PTPRN2: variants seen among roughly 807,000 people sequenced by gnomAD.
PTPRN2 encodes the protein receptor-type tyrosine-protein phosphatase N2.
Under a neutral mutation model 118.8 loss-of-function variants are expected in PTPRN2, and 74 were observed. That is an observed-to-expected ratio of 0.62 (90% CI 0.52 to 0.76). The LOEUF is 0.76. Among genes scored for constraint, PTPRN2 ranks in the 30% least tolerant of loss-of-function variants. PTPRN2 has a pLI of 0.00. For synonymous variants in PTPRN2, 641 were observed against 608.0 expected, an observed-to-expected ratio of 1.05 and a Z score of -0.80; for missense variants, 1,481 against 1,394.4, an observed-to-expected ratio of 1.06 and a Z score of -0.99.
chr7:157,741,025 A>G (rs1800605041), intron 12 of PTPRN2, among the ~76,000 whole-genome samples: 1 of 152,196 alleles, frequency 6.6e-6, no homozygotes, highest in South Asian at 2.1e-4. Context: ...TCCATTTCAG[A>G]TGCTACTGAA....
At chr7:158,449,434 G>A (rs1817945542) in intron 2 of PTPRN2, among the ~76,000 whole-genome samples, 1 of 152,222 alleles carries the variant, frequency 6.6e-6, no homozygotes, top group Non-Finnish European at 1.5e-5. Flanking sequence ...ACCAAGAGAG[G>A]ACGATGCACA....
At chr7:157,805,946 G>A (rs10246948) in intron 12 of PTPRN2, among the ~76,000 whole-genome samples, 30,170 of 152,118 alleles carry the variant, frequency 0.2, 5,297 homozygotes, top group African/African-American at 0.47. Context: ...GTGGCTGTGT[G>A]TGCACCGGCT....
chr7:158,542,400 A>C (rs765617893), intron 1 of PTPRN2, among the ~76,000 whole-genome samples: 1 of 152,206 alleles, frequency 6.6e-6, no homozygotes, highest in Non-Finnish European at 1.5e-5. Flanking sequence ...CAATCCGCCC[A>C]CCTCGGCCTC....
chr7:158,071,559 G>A (rs1218314626), intron 11 of PTPRN2, among the ~76,000 whole-genome samples: 2 of 24,610 alleles, frequency 8.1e-5, no homozygotes, highest in African/African-American at 2.0e-4. Context: ...CCTGGTGGTG[G>A]AGGTGCTCCT....
chr7:158,326,532 T>C (rs753207726), intron 2 of PTPRN2, among the ~76,000 whole-genome samples: 4 of 152,204 alleles, frequency 2.6e-5, no homozygotes, highest in African/African-American at 4.8e-5. Flanking sequence ...CACATGCACA[T>C]ATGCAGACAC....
At chr7:158,171,304 CACACATATATATATATATATATAT>C (rs1823643212) in intron 5 of PTPRN2, among the ~76,000 whole-genome samples, 3 of 28,088 alleles carry the variant, frequency 1.1e-4, no homozygotes, top group African/African-American at 1.4e-4. Flanking sequence ...CATATATATA[CACACATATATATATATATATATAT>C]ATATATATAT....
intron 3 of PTPRN2, among the ~76,000 whole-genome samples, chr7:158,254,802 C>T (rs956757160): frequency 4.6e-5 from 7 of 152,364 alleles, no homozygotes; most frequent in South Asian, 4.1e-4. Context: ...CAGGAAACTA[C>T]GACAGTCATC....
At chr7:158,516,682 G>A (rs927787801) in intron 1 of PTPRN2, among the ~76,000 whole-genome samples, 1 of 151,966 alleles carries the variant, frequency 6.6e-6, no homozygotes, top group African/African-American at 2.4e-5. Context: ...TGGTGCTCCT[G>A]CCTATTGTTC....
chr7:157,848,837 C>A (rs1809067127), intron 12 of PTPRN2, among the ~76,000 whole-genome samples: 1 of 152,232 alleles, frequency 6.6e-6, no homozygotes, highest in Admixed American at 6.5e-5. Flanking sequence ...CAGCCAGCAG[C>A]CCCGACGCCT....
intron 2 of PTPRN2, among the ~76,000 whole-genome samples, chr7:158,445,152 A>G (rs1471031543): frequency 1.3e-5 from 2 of 152,150 alleles, no homozygotes; most frequent in African/African-American, 4.8e-5. Flanking sequence ...CTTTGTCTCC[A>G]GAGGGGGCAG....
intron 11 of PTPRN2, among the ~76,000 whole-genome samples, chr7:157,930,275 C>T (rs1455978152): frequency 6.6e-6 from 1 of 152,126 alleles, no homozygotes; most frequent in Non-Finnish European, 1.5e-5. Context: ...TAGCATACAG[C>T]GTGTTAAGTG....
chr7:157,814,006 G>A (rs1806226117), intron 12 of PTPRN2, among the ~76,000 whole-genome samples: 1 of 152,212 alleles, frequency 6.6e-6, no homozygotes, highest in Non-Finnish European at 1.5e-5. Flanking sequence ...GGATTGTTCT[G>A]CCCCAATGGC....
chr7:157,740,863 C>T (rs768566082), intron 12 of PTPRN2, among the ~76,000 whole-genome samples: 25 of 152,160 alleles, frequency 1.6e-4, no homozygotes, highest in African/African-American at 5.3e-4. Context: ...TAATTAGAGC[C>T]GCTCTCTCTC....
At position 157,992,337 on chromosome 7, in the gene PTPRN2, G is replaced by A. The variant is rs375400840; in HGVS notation, c.1723+88961C>T. Among the ~76,000 whole-genome samples the A allele has an allele frequency of 1.3e-4, 20 of 152,310 alleles. 1 individual carries two copies. The South Asian group carries it at 4.1e-3, about 32-fold the overall frequency. On this transcript the variant is annotated intron_variant, in intron 11 of 22. Transcript: ENST00000389418. ...GGCTGCTCATGGCCCCGAGTCTCTC[G>A]CTCTCCAGGATGAGTTGGGAGTGGA...
chr7:158,083,229 T>G (rs553805680), intron 10 of PTPRN2, among the ~76,000 whole-genome samples: 4 of 152,184 alleles, frequency 2.6e-5, no homozygotes, highest in Non-Finnish European at 5.9e-5. Flanking sequence ...TGATGATTTC[T>G]GCCACGGCCT....
At chr7:158,340,182 G>A (rs1437280581) in intron 2 of PTPRN2, among the ~76,000 whole-genome samples, 1 of 85,672 alleles carries the variant, frequency 1.2e-5, no homozygotes, top group African/African-American at 4.1e-5. Flanking sequence ...ACTCGCAGAC[G>A]TCACTCACAC....
rs527295779 is a variant in PTPRN2 at position 158,120,495 on chromosome 7, C to T, written c.1557-9580G>A. On this transcript the variant is annotated intron_variant, in intron 9 of 22. Transcript: ENST00000389418. ...TCAGCAGAACACTCCTTGTGGCTCA[C>T]GGAGAAAGCTGAGCCAAGTTCCTGC... Among the ~76,000 whole-genome samples, 116 of 152,312 alleles carry T rather than the reference C, an allele frequency of 7.6e-4. 1 individual carries two copies. In the South Asian group the frequency reaches 0.013, roughly 17 times the overall value.
At chr7:158,181,350 T>C (rs1424718608) in intron 5 of PTPRN2, among the ~76,000 whole-genome samples, 1 of 152,206 alleles carries the variant, frequency 6.6e-6, no homozygotes, top group Non-Finnish European at 1.5e-5. Flanking sequence ...TAGTATTTCG[T>C]AGAGGGTTTT....
At chr7:158,209,786 T>C (rs1407883933) in intron 3 of PTPRN2, among the ~76,000 whole-genome samples, 2 of 152,192 alleles carry the variant, frequency 1.3e-5, no homozygotes, top group Non-Finnish European at 2.9e-5. Flanking sequence ...GAATAGCCCA[T>C]ACATTATGGC....
Sources: gnomAD v4.1 joint callset for allele counts (sites outside exome capture counted in the v4.1 genomes callset) on GRCh38, gnomAD v4.1.1 for gene constraint, MANE v1.5 for transcripts, NCBI Gene and HGNC (gene_info 2026-07-23, HGNC 2026-07-21) for gene names.